JAK1: variants seen among roughly 807,000 people sequenced by gnomAD.
JAK1 encodes Janus kinase 1, also known as tyrosine-protein kinase JAK1.
JAK1 carries 16 observed loss-of-function variants against 136.6 expected under a neutral mutation model. That is an observed-to-expected ratio of 0.12 (90% CI 0.08 to 0.18). The LOEUF (loss-of-function observed/expected upper bound fraction) is 0.18, where lower values mean the gene tolerates loss of function less well. Ranked by LOEUF, JAK1 falls within the 10% of genes least tolerant of loss-of-function variation. The pLI, the probability that JAK1 is intolerant of heterozygous loss-of-function variation, is 1.00. For missense variants in JAK1, 859 were observed against 1,450.1 expected, an observed-to-expected ratio of 0.59 and a Z score of 6.62; for synonymous variants, 492 against 519.5, an observed-to-expected ratio of 0.95 and a Z score of 0.72.
intron 21 of JAK1, 27 bp from the exon 22 acceptor site, chr1:64,838,131 A>C (rs376264402): frequency 4.4e-6 from 7 of 1,596,382 alleles, no homozygotes; most frequent in Non-Finnish European, 6.0e-6. Flanking sequence ...AAAGTCAAGC[A>C]CATTGCTAAA....
At chr1:64,962,382 T>C (rs866275344) in intron 1 of JAK1, among the ~76,000 whole-genome samples, 3 of 152,254 alleles carry the variant, frequency 2.0e-5, no homozygotes, top group Admixed American at 6.5e-5. Context: ...CTTTTGCTTC[T>C]AAAGCAGGTC....
chr1:65,066,971 C>T (rs1289852781), intron 1 of JAK1, among the ~76,000 whole-genome samples: 3 of 152,100 alleles, frequency 2.0e-5, no homozygotes, highest in African/African-American at 4.8e-5. Context: ...GCCAGGCGCC[C>T]GGGGCTCCCC....
chr1:64,880,954 CA>C (rs1326244562), intron 3 of JAK1, among the ~76,000 whole-genome samples: 1 of 151,580 alleles, frequency 6.6e-6, no homozygotes. Context: ...AACAAACAAA[CA>C]AACAAATAAA....
chr1:64,910,007 T>C (rs1645255585), intron 1 of JAK1, among the ~76,000 whole-genome samples: 2 of 152,184 alleles, frequency 1.3e-5, no homozygotes, highest in African/African-American at 2.4e-5. Flanking sequence ...CCAGAGTATA[T>C]TCTTTATTGA....
rs1429878820 is a variant in JAK1, at chr1:65,011,169, A to G, written c.-78+33311T>C. ...AGAACTGTCAAAGCAAAAATTTTAA[A>G]AGGAAGAGTTAAAAATCAGCTTCTG... On this transcript the variant is annotated intron_variant, in intron 2 of 25. Transcript: ENST00000671954. 5.9e-5 allele frequency among the ~76,000 whole-genome samples: 9 copies of G among 152,150 alleles called. No individual in the cohort carries two copies. The East Asian group carries it at 1.7e-3, about 29-fold the overall frequency.
chr1:64,998,735 T>C (rs540406711), intron 2 of JAK1, among the ~76,000 whole-genome samples: 1 of 152,320 alleles, frequency 6.6e-6, no homozygotes, highest in South Asian at 2.1e-4. Context: ...GTTTTAAAAA[T>C]GGGAGTTTCC....
At chr1:65,043,105 C>T (rs183525050) in intron 2 of JAK1, among the ~76,000 whole-genome samples, 366 of 152,240 alleles carry the variant, frequency 2.4e-3, no homozygotes, top group Non-Finnish European at 3.9e-3. Flanking sequence ...GTTTTTCACT[C>T]AAAACAGTGC....
intron 2 of JAK1, among the ~76,000 whole-genome samples, chr1:65,030,655 C>T (rs887932799): frequency 1.3e-5 from 2 of 152,082 alleles, no homozygotes; most frequent in African/African-American, 4.8e-5. Flanking sequence ...GCCTCAGCCT[C>T]CCAACTAGCT....
chr1:65,011,588 T>C (rs1473519454), intron 2 of JAK1, among the ~76,000 whole-genome samples: 5 of 152,258 alleles, frequency 3.3e-5, no homozygotes, highest in Non-Finnish European at 7.3e-5. Flanking sequence ...TTCCTTTTAC[T>C]ACCACTGACA....
chr1:64,964,399 A>C lies in JAK1; in HGVS notation c.-78+1934T>G, dbSNP rs545071984. Reference sequence around the variant, plus strand: ...TTCTCTTGTTCTCTCTACACAAATGAGTATCAACCTACACGTTCTCAATGC... The same window carrying C: ...TTCTCTTGTTCTCTCTACACAAATGCGTATCAACCTACACGTTCTCAATGC... On this transcript the variant is annotated intron_variant, in intron 1 of 24. Transcript: ENST00000342505. Among the ~76,000 whole-genome samples, 405 of 152,368 alleles carry C rather than the reference A, an allele frequency of 2.7e-3. 2 individuals carry two copies. The highest frequency in any genetic ancestry group is 8.7e-3 in the African/African-American group (363 of 41,584).
At chr1:64,921,294 T>G (rs1435292040) in intron 1 of JAK1, among the ~76,000 whole-genome samples, 1 of 152,094 alleles carries the variant, frequency 6.6e-6, no homozygotes, top group Non-Finnish European at 1.5e-5. Flanking sequence ...AAGTGAGGAT[T>G]TCTGGGCTTT....
intron 1 of JAK1, among the ~76,000 whole-genome samples, chr1:64,921,223 G>A: frequency 6.6e-6 from 1 of 151,934 alleles, no homozygotes; most frequent in East Asian, 1.9e-4. Flanking sequence ...AATAAGTGTA[G>A]CATATGTTTC....
intron 3 of JAK1, among the ~76,000 whole-genome samples, chr1:64,880,066 C>T (rs1433959089): frequency 6.6e-6 from 1 of 152,180 alleles, no homozygotes; most frequent in Non-Finnish European, 1.5e-5. Flanking sequence ...GTAATAGGCA[C>T]TTGTTTCCCA....
chr1:64,949,715 T>A (rs918683396), intron 1 of JAK1, among the ~76,000 whole-genome samples: 7 of 152,234 alleles, frequency 4.6e-5, no homozygotes, highest in Non-Finnish European at 1.0e-4. Flanking sequence ...CATTTGTGAC[T>A]TAAGTTTCTG....
At chr1:64,927,088 G>A (rs1645595939) in intron 1 of JAK1, among the ~76,000 whole-genome samples, 1 of 152,090 alleles carries the variant, frequency 6.6e-6, no homozygotes, top group South Asian at 2.1e-4. Context: ...CTTCAGCCCT[G>A]ACTGCTCTCT....
At chr1:65,018,571 G>A (rs1400214881) in intron 2 of JAK1, among the ~76,000 whole-genome samples, 1 of 151,920 alleles carries the variant, frequency 6.6e-6, no homozygotes, top group East Asian at 1.9e-4. Flanking sequence ...ACACTGGAAA[G>A]ATAATAAAAG....
chr1:64,999,978 G>A (rs1190481616), intron 2 of JAK1, among the ~76,000 whole-genome samples: 1 of 150,140 alleles, frequency 6.7e-6, no homozygotes, highest in Non-Finnish European at 1.5e-5. Context: ...TGGGGGTTGG[G>A]GGAGAGAATC....
At chr1:65,036,165 T>A (rs1647071403) in intron 2 of JAK1, among the ~76,000 whole-genome samples, 1 of 152,156 alleles carries the variant, frequency 6.6e-6, no homozygotes, top group East Asian at 1.9e-4. Context: ...TTAATGTCAC[T>A]GAATTGTACA....
chr1:64,894,521 C>T (rs1002925988), intron 1 of JAK1, among the ~76,000 whole-genome samples: 6 of 151,966 alleles, frequency 3.9e-5, no homozygotes, highest in Non-Finnish European at 7.4e-5. Context: ...CACTTTGGGA[C>T]GCCAAGGTGG....
Sources: allele counts gnomAD v4.1 joint callset (sites outside exome capture counted in the v4.1 genomes callset), GRCh38; gene constraint gnomAD v4.1.1; transcripts MANE v1.5; gene names NCBI Gene and HGNC (gene_info 2026-07-23, HGNC 2026-07-21).